Variants in PGAP4 observed in about 807,000 individuals in gnomAD.
PGAP4 encodes the protein GPI-N-acetylgalactosamine transferase PGAP4.
Under a neutral mutation model 28.2 loss-of-function variants are expected in PGAP4, and 12 were observed. The ratio of observed to expected loss-of-function variants is 0.42; its 90% CI spans 0.27 to 0.69. The LOEUF (loss-of-function observed/expected upper bound fraction) is 0.69. Ranked by LOEUF, PGAP4 falls within the 30% of genes least tolerant of loss-of-function variation. The pLI, the probability that PGAP4 is intolerant of heterozygous loss-of-function variation, is 0.22. For synonymous variants in PGAP4, 205 were observed against 211.8 expected (o/e 0.97, Z 0.28); for missense variants, 425 against 513.5 (o/e 0.83, Z 1.67).
At chr9:101,514,144 G>A (rs1009113910) in intron 2 of PGAP4, among the ~76,000 whole-genome samples, 1 of 152,070 alleles carries the variant, frequency 6.6e-6, no homozygotes, top group African/African-American at 2.4e-5. Context: ...ATAGCCAGAG[G>A]TAATGCTATA....
chr9:101,528,980 C>T (rs2118641568), intron 2 of PGAP4, among the ~76,000 whole-genome samples: 1 of 151,808 alleles, frequency 6.6e-6, no homozygotes, highest in Middle Eastern at 3.4e-3. Flanking sequence ...TTGCTCCTCT[C>T]TCTCTCTCTC....
intron 2 of PGAP4, among the ~76,000 whole-genome samples, chr9:101,494,195 T>C (rs1826716197): frequency 6.6e-6 from 1 of 151,984 alleles, no homozygotes; most frequent in Non-Finnish European, 1.5e-5. Context: ...CATTTAAAAA[T>C]ATGACATTTT....
intron 2 of PGAP4, among the ~76,000 whole-genome samples, chr9:101,496,026 G>C (rs1458426784): frequency 1.3e-5 from 2 of 151,398 alleles, no homozygotes; most frequent in Admixed American, 6.6e-5. Context: ...ATGTAAACAG[G>C]AAAATGCCTT....
intron 2 of PGAP4, among the ~76,000 whole-genome samples, chr9:101,524,795 C>T (rs1827019841): frequency 6.6e-6 from 1 of 152,212 alleles, no homozygotes; most frequent in African/African-American, 2.4e-5. Flanking sequence ...CTTACTTCCA[C>T]AGTTGGGGCA....
At chr9:101,489,719 C>T (rs908163681), upstream of PGAP4, among the ~76,000 whole-genome samples, 2 of 152,178 alleles carry the variant, frequency 1.3e-5, no homozygotes, top group African/African-American at 4.8e-5. Context: ...GCCCTTGATG[C>T]AATCCATGTA....
intron 2 of PGAP4, among the ~76,000 whole-genome samples, chr9:101,496,083 G>T (rs975622346): frequency 4.0e-5 from 6 of 151,466 alleles, no homozygotes; most frequent in African/African-American, 1.5e-4. Flanking sequence ...GAAAGTTTTG[G>T]TTATATGGAA....
chr9:101,489,933 T>C (rs1233533146), upstream of PGAP4, among the ~76,000 whole-genome samples: 1 of 152,168 alleles, frequency 6.6e-6, no homozygotes, highest in Non-Finnish European at 1.5e-5. Flanking sequence ...ACCTGAGACA[T>C]AAAATATTAA....
chr9:101,494,163 T>A (rs1826715908), intron 2 of PGAP4, among the ~76,000 whole-genome samples: 1 of 152,032 alleles, frequency 6.6e-6, no homozygotes, highest in Non-Finnish European at 1.5e-5. Flanking sequence ...CTGAGAATTC[T>A]TGAAGATAGG....
chr9:101,531,195 TACACACACACACACACACACACACACAC>T (rs367760603), intron 2 of PGAP4: 1 of 137,424 alleles, frequency 7.3e-6, no homozygotes. Flanking sequence ...AATCTCTTTC[TACACACACACACACACACACACACACAC>T]ACACACACAC....
At chr9:101,495,687 AG>A (rs1217840213) in intron 2 of PGAP4, among the ~76,000 whole-genome samples, 3 of 150,398 alleles carry the variant, frequency 2.0e-5, no homozygotes, top group Non-Finnish European at 4.5e-5. Context: ...AGAGTTTTAA[AG>A]GGGTTAAAAG....
chr9:101,525,699 C>CAA (rs397893277), intron 2 of PGAP4, among the ~76,000 whole-genome samples: 466 of 58,680 alleles, frequency 7.9e-3, no homozygotes, highest in Middle Eastern at 0.012. Flanking sequence ...CAGAGCGTCT[C>CAA]AAAAAAAAAA....
chr9:101,532,053 C>T (rs62575836), intron 1 of PGAP4, among the ~76,000 whole-genome samples: 20,402 of 152,116 alleles, frequency 0.13, 1,387 homozygotes, highest in Admixed American at 0.18. Flanking sequence ...ATGGATCGTC[C>T]GAGGTCAGGA....
At chr9:101,492,755 C>T (rs543252450) in intron 2 of PGAP4, among the ~76,000 whole-genome samples, 1 of 151,986 alleles carries the variant, frequency 6.6e-6, no homozygotes, top group African/African-American at 2.4e-5. Context: ...TTTCCTGTGA[C>T]TGAGTAGATT....
At chr9:101,492,676 G>A (rs2118575226) in intron 2 of PGAP4, among the ~76,000 whole-genome samples, 1 of 152,094 alleles carries the variant, frequency 6.6e-6, no homozygotes, top group Non-Finnish European at 1.5e-5. Flanking sequence ...TCCTGTAGCT[G>A]CTACTATCTC....
chr9:101,476,164 C>T lies in PGAP4; in HGVS notation c.929G>A (p.Arg310Gln), dbSNP rs1245972522. The change falls in exon 2 of 2, where the codon CGG becomes CAG. Residue 310 changes from arginine to glutamine, a missense_variant. Arg to Gln is a conservative substitution (Grantham distance 43). Transcript: ENST00000374848. The surrounding 1 kb of genome is among the most constrained non-coding windows in gnomAD (Gnocchi z 7.0). ...CCGCCGCAGTTCCAGGAAATAGTGC[C>T]GACCCACCAGCTCCACCAGACCCAT... ...YSMGLVELVG[R>Q]HYFLELRRLS... 4 of 1,613,968 alleles carry T rather than the reference C, an allele frequency of 2.5e-6. No homozygotes were observed. Among genetic ancestry groups the T allele is most frequent in the Admixed American group, 1.7e-5 (1 of 59,996 alleles).
chr9:101,513,429 T>C (rs1357521458), intron 2 of PGAP4, among the ~76,000 whole-genome samples: 1 of 152,192 alleles, frequency 6.6e-6, no homozygotes, highest in African/African-American at 2.4e-5. Context: ...TAGCCCAAAC[T>C]AACATTCTGA....
At chr9:101,481,875 T>G (rs1826497685) in intron 1 of PGAP4, among the ~76,000 whole-genome samples, 1 of 152,142 alleles carries the variant, frequency 6.6e-6, no homozygotes, top group Admixed American at 6.5e-5. Context: ...AGTCACTTCC[T>G]AATCCCACCT....
exon 1 of PGAP4, chr9:101,533,361 C>CG (rs1361215018): frequency 6.6e-6 from 1 of 152,048 alleles, no homozygotes; most frequent in Non-Finnish European, 1.5e-5. Context: ...GCTCCCTGTG[C>CG]GGGGGAAAAA....
chr9:101,512,645 T>C (rs143828578), intron 2 of PGAP4, among the ~76,000 whole-genome samples: 1 of 152,290 alleles, frequency 6.6e-6, no homozygotes, highest in East Asian at 1.9e-4. Flanking sequence ...GATATGCTTT[T>C]ATCAAATGTC....
Sources: allele counts gnomAD v4.1 joint callset (sites outside exome capture counted in the v4.1 genomes callset), GRCh38; gene constraint gnomAD v4.1.1; non-coding constraint Gnocchi (gnomAD v3.1); transcripts MANE v1.5; gene names NCBI Gene and HGNC (gene_info 2026-07-23, HGNC 2026-07-21).